Variants in PLCB1 observed in about 807,000 individuals in gnomAD.
PLCB1 encodes phospholipase C beta 1.
PLCB1 carries 46 observed loss-of-function variants against 161.8 expected under a neutral mutation model. The observed-to-expected ratio is 0.28, with a 90% CI of 0.22 to 0.36. The LOEUF (loss-of-function observed/expected upper bound fraction) is 0.36. Ranked by LOEUF, PLCB1 falls within the 10% of genes least tolerant of loss-of-function variation. The pLI is 1.00. For synonymous variants in PLCB1, 517 were observed against 503.7 expected (o/e 1.03, Z -0.35); for missense variants, 1,016 against 1,472.5 (o/e 0.69, Z 5.07).
chr20:8,306,730 A>G (rs2123329539), intron 2 of PLCB1, among the ~76,000 whole-genome samples: 1 of 152,304 alleles, frequency 6.6e-6, no homozygotes, highest in East Asian at 1.9e-4. Context: ...CCTTTTACCC[A>G]ATTTTTTTGT....
chr20:8,132,387 C>T lies in PLCB1; in HGVS notation c.-265C>T, dbSNP rs947002597. On this transcript the variant is annotated 5_prime_UTR_variant, in exon 1 of 32. Transcript: ENST00000338037. This position sits in a 1 kb window ranked among gnomAD's most constrained non-coding sequence, Gnocchi z 5.2. The stretch of plus-strand genomic sequence containing the variant: ...GGCTGACCGGCTCGGCTTCTCTTCG[C>T]CTTCCGAGGCTCCTCATCCACCGCG... 1.1e-5 allele frequency: 3 copies of T among 273,620 alleles called. No homozygotes were observed. Among genetic ancestry groups the T allele is most frequent in the Admixed American group, 1.1e-4 (2 of 18,716 alleles). 16.9% of individuals were successfully genotyped at this position (273,620 alleles called of 1,614,324 possible). A position where few individuals can be genotyped will look rare whatever the true frequency, so the allele number is the denominator to read the frequency against.
chr20:8,573,838 G>A (rs1986595953), intron 3 of PLCB1, among the ~76,000 whole-genome samples: 1 of 152,144 alleles, frequency 6.6e-6, no homozygotes, highest in Non-Finnish European at 1.5e-5. Context: ...ATGAACAAAT[G>A]AAAACAGAAC....
intron 31 of PLCB1, among the ~76,000 whole-genome samples, chr20:8,861,505 G>A (rs569773050): frequency 3.9e-4 from 59 of 152,310 alleles, no homozygotes; most frequent in Admixed American, 3.1e-3. Flanking sequence ...GCCAAGGCAG[G>A]TGGATCACGA....
At position 8,132,859 on chromosome 20, in the gene PLCB1, G is replaced by T. The variant is rs1441628333; in HGVS notation, c.99+109G>T. The T allele has an allele frequency of 2.7e-6, 2 of 750,480 alleles. No individual in the cohort carries two copies. Among genetic ancestry groups the T allele is most frequent in the Non-Finnish European group, 4.5e-6 (2 of 440,552 alleles). 46.5% of individuals were successfully genotyped at this position (750,480 alleles called of 1,614,324 possible). A position where few individuals can be genotyped will look rare whatever the true frequency, so the allele number is the denominator to read the frequency against. On this transcript the variant is annotated intron_variant, in intron 1 of 31. Coordinates refer to ENST00000338037, the MANE Select transcript of PLCB1 (RefSeq NM_015192.4). The surrounding 1 kb of genome is among the most constrained non-coding windows in gnomAD (Gnocchi z 5.2). ...TTATGCAATGGGCGCACTGGGAGCG[G>T]GCAGGGGCAGCCTCGGGCGCACAGG...
At chr20:8,427,447 G>T (rs1305762441) in intron 3 of PLCB1, among the ~76,000 whole-genome samples, 2 of 152,170 alleles carry the variant, frequency 1.3e-5, no homozygotes, top group African/African-American at 4.8e-5. Flanking sequence ...TGAATGGAGG[G>T]TAGGGGCTTT....
chr20:8,607,176 A>C (rs2123160257), intron 3 of PLCB1, among the ~76,000 whole-genome samples: 1 of 152,190 alleles, frequency 6.6e-6, no homozygotes, highest in Middle Eastern at 3.4e-3. Context: ...CCATATCCAA[A>C]TTACATCCAA....
intron 2 of PLCB1, chr20:8,370,987 A>G (rs1280968302): frequency 6.0e-6 from 1 of 167,828 alleles, no homozygotes; most frequent in Non-Finnish European, 1.3e-5. Flanking sequence ...ATGTGAGCCG[A>G]TGGGAGCATC....
intron 9 of PLCB1, among the ~76,000 whole-genome samples, chr20:8,660,837 A>T (rs979875059): frequency 1.3e-5 from 2 of 152,140 alleles, no homozygotes; most frequent in Non-Finnish European, 2.9e-5. Context: ...CTCTGTGTCA[A>T]CCTTAATAGC....
chr20:8,517,661 A>G (rs1345945378), intron 3 of PLCB1, among the ~76,000 whole-genome samples: 1 of 152,200 alleles, frequency 6.6e-6, no homozygotes, highest in Non-Finnish European at 1.5e-5. Flanking sequence ...TGTGTTCCAC[A>G]GGACTGAATA....
At chr20:8,626,687 G>A (rs527761215) in intron 3 of PLCB1, among the ~76,000 whole-genome samples, 6 of 152,232 alleles carry the variant, frequency 3.9e-5, no homozygotes, top group African/African-American at 4.8e-5. Flanking sequence ...GATTTAAAAC[G>A]TGTGATTTAT....
intron 2 of PLCB1, among the ~76,000 whole-genome samples, chr20:8,250,883 C>T (rs1981104866): frequency 6.6e-6 from 1 of 151,914 alleles, no homozygotes; most frequent in South Asian, 2.1e-4. Flanking sequence ...CTTTTATTCA[C>T]AGAATTTACA....
chr20:8,543,543 A>G (rs577478213), intron 3 of PLCB1, among the ~76,000 whole-genome samples: 3 of 150,978 alleles, frequency 2.0e-5, no homozygotes, highest in East Asian at 3.9e-4. Flanking sequence ...ACTCATGTAT[A>G]TATTTGTCAA....
At chr20:8,352,150 A>G (rs1361562103) in intron 2 of PLCB1, among the ~76,000 whole-genome samples, 2 of 152,182 alleles carry the variant, frequency 1.3e-5, no homozygotes, top group Non-Finnish European at 2.9e-5. Flanking sequence ...TTATTGAGTG[A>G]TAAAAAGGAA....
intron 31 of PLCB1, among the ~76,000 whole-genome samples, chr20:8,810,755 A>G (rs1052895614): frequency 6.6e-6 from 1 of 152,134 alleles, no homozygotes; most frequent in Non-Finnish European, 1.5e-5. Flanking sequence ...CTTGAGCCCA[A>G]GAGTTTGAGA....
chr20:8,630,004 TTCTTTC>T (rs202121884), intron 4 of PLCB1, among the ~76,000 whole-genome samples: 2,367 of 110,968 alleles, frequency 0.021, 32 homozygotes, highest in Middle Eastern at 0.049. Flanking sequence ...CTTTCTTTCT[TTCTTTC>T]TCTTTCTTCT....
intron 18 of PLCB1, among the ~76,000 whole-genome samples, chr20:8,731,787 T>C (rs961454261): frequency 2.0e-5 from 3 of 152,014 alleles, no homozygotes; most frequent in Non-Finnish European, 4.4e-5. Flanking sequence ...TTTAGGCTTT[T>C]GAAGCTAATT....
intron 26 of PLCB1, among the ~76,000 whole-genome samples, chr20:8,766,043 C>T (rs1334585786): frequency 6.6e-6 from 1 of 152,138 alleles, no homozygotes. Context: ...ATCCATAATG[C>T]CCTACACAGG....
chr20:8,253,668 G>T (rs1600264452), intron 2 of PLCB1, among the ~76,000 whole-genome samples: 2 of 152,012 alleles, frequency 1.3e-5, no homozygotes, highest in East Asian at 1.9e-4. Context: ...GTGCAGGTTT[G>T]TTACCTGGGA....
intron 2 of PLCB1, among the ~76,000 whole-genome samples, chr20:8,276,333 T>C (rs1219407780): frequency 6.6e-6 from 1 of 152,210 alleles, no homozygotes; most frequent in African/African-American, 2.4e-5. Context: ...CACATGTTAT[T>C]CACATGTGAG....
Sources: gnomAD v4.1 joint callset for allele counts (sites outside exome capture counted in the v4.1 genomes callset) on GRCh38, gnomAD v4.1.1 for gene constraint, Gnocchi (gnomAD v3.1) non-coding constraint, MANE v1.5 for transcripts, NCBI Gene and HGNC (gene_info 2026-07-23, HGNC 2026-07-21) for gene names.